Variants in DOCK11 observed in about 807,000 individuals in gnomAD.
DOCK11 encodes the protein dedicator of cytokinesis protein 11.
DOCK11 carries 70 observed loss-of-function variants against 169.1 expected under a neutral mutation model. The ratio of observed to expected loss-of-function variants is 0.41; its 90% CI spans 0.34 to 0.51. The LOEUF is 0.51. Among genes scored for constraint, DOCK11 ranks in the 20% least tolerant of loss-of-function variants. DOCK11 has a pLI of 0.10. For synonymous variants in DOCK11, 529 were observed against 541.3 expected, an observed-to-expected ratio of 0.98 and a Z score of 0.32; for missense variants, 1,166 against 1,538.8, an observed-to-expected ratio of 0.76 and a Z score of 4.05.
chrX:118,676,636 C>T lies in DOCK11; in HGVS notation c.5359C>T (p.Pro1787Ser). 8.3e-7 allele frequency: 1 copy of T among 1,201,652 alleles called. No individual in the cohort carries two copies. Among genetic ancestry groups the T allele is most frequent in the Non-Finnish European group, 1.1e-6 (1 of 888,422 alleles). ...EDGKEYIYKE[P>S]KLTGLSEISL... ...TGGAAAGGAGTACATCTATAAAGAA[C>T]CAAAGCTCACTGGCCTCTCAGAAAT... Residue 1787 changes from proline to serine, a missense_variant, in exon 48 of 53, where the codon CCA becomes TCA. Transcript: ENST00000276202.
rs760489291 is a variant in DOCK11, at chrX:118,545,263, T to C, written c.393-60T>C. 16 of 797,842 alleles carry C rather than the reference T, an allele frequency of 2.0e-5. No individual in the cohort carries two copies. The South Asian group carries it at 4.5e-4, about 22-fold the overall frequency. The allele number at this position is 797,842 out of a possible 1,213,427, so 65.8% of individuals were successfully genotyped here. On this transcript the variant is annotated intron_variant, in intron 4 of 52. Transcript: ENST00000276202. ...TTGTCATTATTGTTGTGTTTTTGTGTTGTTTTTCTTTTTTTTTTTGGTCTT... is the reference window on the plus strand; with the variant it reads ...TTGTCATTATTGTTGTGTTTTTGTGCTGTTTTTCTTTTTTTTTTTGGTCTT...
chrX:118,517,880 CTATA>C (rs889976596), intron 1 of DOCK11, among the ~76,000 whole-genome samples: 6 of 111,621 alleles, frequency 5.4e-5, no homozygotes, highest in Non-Finnish European at 1.1e-4. Flanking sequence ...CCACATATAT[CTATA>C]TATTTCATAT....
chrX:118,658,445 T>C (rs1477705006), intron 44 of DOCK11, among the ~76,000 whole-genome samples: 3 of 112,543 alleles, frequency 2.7e-5, no homozygotes, highest in Non-Finnish European at 5.6e-5. Flanking sequence ...AGGGAAGGGC[T>C]TAGGGGCCCT....
At chrX:118,580,035 T>C in intron 13 of DOCK11, 62 bp from the exon 14 acceptor site, 1 of 975,017 alleles carries the variant, frequency 1.0e-6, no homozygotes, top group Non-Finnish European at 1.4e-6. Flanking sequence ...GAAATTATTT[T>C]TCTGGGTGGG....
In DOCK11 at chrX:118,618,639, C is replaced by A; in HGVS notation, c.3382C>A (p.Gln1128Lys). ...TCTGAGGGAAACTTCCATTGCTCTTCAGGACAATTATGAGATCAGATATAC... is the reference window on the plus strand; with the variant it reads ...TCTGAGGGAAACTTCCATTGCTCTTAAGGACAATTATGAGATCAGATATAC... Reference protein sequence around the residue: ...LLLRETSIALQDNYEIRYTAI... With the variant: ...LLLRETSIALKDNYEIRYTAI... Residue 1128 changes from glutamine (Q) to lysine (K), a missense_variant, in exon 31 of 53, where the codon CAG (glutamine) becomes AAG (lysine). Coordinates refer to ENST00000276202, the MANE Select transcript of DOCK11 (RefSeq NM_144658.4). The A allele has an allele frequency of 8.3e-7, 1 of 1,207,594 alleles. No homozygotes were observed. The highest frequency in any genetic ancestry group is 1.8e-5 in the South Asian group (1 of 56,789).
intron 30 of DOCK11, among the ~76,000 whole-genome samples, chrX:118,615,981 T>C (rs1329428420): frequency 8.9e-6 from 1 of 111,887 alleles, no homozygotes; most frequent in Non-Finnish European, 1.9e-5. Flanking sequence ...GTGTTTGGGA[T>C]CTTGTATGAG....
At chrX:118,669,939 C>G (rs1378097786) in intron 45 of DOCK11, among the ~76,000 whole-genome samples, 1 of 111,451 alleles carries the variant, frequency 9.0e-6, no homozygotes, top group Non-Finnish European at 1.9e-5. Flanking sequence ...CCCTGTGTGT[C>G]TCTGTCTTCA....
chrX:118,547,435 C>T, intron 6 of DOCK11, among the ~76,000 whole-genome samples: 1 of 111,778 alleles, frequency 8.9e-6, no homozygotes, highest in East Asian at 2.8e-4. Flanking sequence ...CTGTATATCG[C>T]TTGCACCTAA....
chrX:118,555,160 A>G (rs959576855), intron 6 of DOCK11, among the ~76,000 whole-genome samples: 1 of 111,796 alleles, frequency 8.9e-6, no homozygotes, highest in Non-Finnish European at 1.9e-5. Context: ...TTGGCTTTAA[A>G]TCAAATAGTT....
chrX:118,679,918 AT>A (rs55756738), intron 48 of DOCK11, among the ~76,000 whole-genome samples: 216 of 55,432 alleles, frequency 3.9e-3, no homozygotes, highest in African/African-American at 0.016. Flanking sequence ...GATTACAGTA[AT>A]TTTTTTTTTT....
At chrX:118,597,997 TTA>T in intron 21 of DOCK11, 31 bp from the exon 22 acceptor site, 1 of 1,058,692 alleles carries the variant, frequency 9.4e-7, no homozygotes, top group Non-Finnish European at 1.3e-6. Context: ...CTATCCATTA[TTA>T]TGTTATAGAA....
In DOCK11 at chrX:118,681,465, C is replaced by T. The variant is rs188804132; in HGVS notation, c.5862+217C>T. ...TTTAACATAAGTCCGATGACTGTAG[C>T]GAAGCCCTGTATGTACATATCAGAA... On this transcript the variant is annotated intron_variant, in intron 50 of 52. Coordinates refer to ENST00000276202, the MANE Select transcript of DOCK11 (RefSeq NM_144658.4). Among the ~76,000 whole-genome samples, 61 of 112,432 alleles carry T rather than the reference C, an allele frequency of 5.4e-4. 1 individual carries two copies. Among genetic ancestry groups the T allele is most frequent in the Admixed American group, 2.3e-3 (24 of 10,609 alleles).
At chrX:118,605,405 C>T in intron 24 of DOCK11, 49 bp downstream of exon 24, 1 of 927,179 alleles carries the variant, frequency 1.1e-6, no homozygotes, top group Non-Finnish European at 1.5e-6. Context: ...TGAGATCTTT[C>T]TTATTTTTTA....
At chrX:118,654,035 A>C (rs1222962479) in intron 42 of DOCK11, among the ~76,000 whole-genome samples, 1 of 112,399 alleles carries the variant, frequency 8.9e-6, no homozygotes, top group Admixed American at 9.4e-5. Context: ...TGTATGTGGT[A>C]GTTAGTGGAT....
intron 6 of DOCK11, among the ~76,000 whole-genome samples, chrX:118,549,850 A>G (rs28458226): frequency 0.071 from 7,882 of 111,155 alleles, 736 homozygotes; most frequent in African/African-American, 0.25. Context: ...TACAGGCATC[A>G]GCCACCATGC....
At chrX:118,526,101 C>T (rs183289639) in intron 1 of DOCK11, among the ~76,000 whole-genome samples, 427 of 111,961 alleles carry the variant, frequency 3.8e-3, no homozygotes, top group Admixed American at 8.7e-3. Flanking sequence ...CTTAGCAAGG[C>T]GGTAGTTCCC....
At chrX:118,566,752 G>A (rs916779439) in intron 9 of DOCK11, 99 bp downstream of exon 9, 64 of 769,209 alleles carry the variant, frequency 8.3e-5, no homozygotes, top group Non-Finnish European at 9.6e-5. Flanking sequence ...TCATTTCCAC[G>A]TTAAAAACCA....
chrX:118,609,397 T>A (rs1372070914), intron 27 of DOCK11, 48 bp downstream of exon 27: 1 of 937,673 alleles, frequency 1.1e-6, no homozygotes, highest in Admixed American at 2.9e-5. Flanking sequence ...AAATGATAAT[T>A]GTATATATAA....
intron 40 of DOCK11, among the ~76,000 whole-genome samples, chrX:118,647,607 A>C (rs1420402405): frequency 1.5e-5 from 1 of 65,933 alleles, no homozygotes; most frequent in Non-Finnish European, 2.6e-5. Context: ...TTAATATATA[A>C]ATATAATATA....
Sources: gnomAD v4.1 joint callset for allele counts (sites outside exome capture counted in the v4.1 genomes callset) on GRCh38, gnomAD v4.1.1 for gene constraint, MANE v1.5 for transcripts, NCBI Gene and HGNC (gene_info 2026-07-23, HGNC 2026-07-21) for gene names.